The following CYP3A7 variants were observed in gnomAD, a reference collection of about 807,000 sequenced individuals.
CYP3A7 encodes cytochrome P450 3A7.
In CYP3A7, 45 loss-of-function variants were observed where a neutral mutation model predicts 55.2. The observed-to-expected ratio is 0.82, with a 90% CI of 0.64 to 1.05. CYP3A7 has a LOEUF of 1.05. CYP3A7 is among the 50% of genes least tolerant of loss of function. CYP3A7 has a pLI of 0.00. For synonymous variants in CYP3A7, 180 were observed against 207.4 expected (o/e 0.87, Z 1.13); for missense variants, 548 against 605.3 (o/e 0.91, Z 0.99).
intron 9 of CYP3A7, among the ~76,000 whole-genome samples, chr7:99,711,815 A>G (rs1675152325): frequency 6.6e-6 from 1 of 152,104 alleles, no homozygotes; most frequent in Non-Finnish European, 1.5e-5. Context: ...CAGAAATGCA[A>G]AATCTCAAAC....
intron 12 of CYP3A7, among the ~76,000 whole-genome samples, chr7:99,706,348 T>C (rs6965239): frequency 0.082 from 12,475 of 152,256 alleles, 716 homozygotes; most frequent in Non-Finnish European, 0.13. Context: ...TTCCCCATCC[T>C]AGGTGTGCCA....
chr7:99,725,602 G>T (rs148655413), intron 2 of CYP3A7, among the ~76,000 whole-genome samples: 1 of 152,212 alleles, frequency 6.6e-6, no homozygotes, highest in African/African-American at 2.4e-5. Context: ...CTCCTAAGCC[G>T]TGCCCTGTCT....
At chr7:99,730,173 G>T (rs1814561204) in intron 2 of CYP3A7, among the ~76,000 whole-genome samples, 1 of 152,122 alleles carries the variant, frequency 6.6e-6, no homozygotes, top group South Asian at 2.1e-4. Flanking sequence ...AGGCACAAAG[G>T]CTCGACCAAA....
chr7:99,733,976 A>G (rs1421455671), intron 1 of CYP3A7, among the ~76,000 whole-genome samples: 1 of 152,252 alleles, frequency 6.6e-6, no homozygotes, highest in Non-Finnish European at 1.5e-5. Flanking sequence ...TTATTCTGGA[A>G]AGGTGAGGTT....
chr7:99,729,962 G>GA (rs539010587), intron 2 of CYP3A7, among the ~76,000 whole-genome samples: 1 of 152,152 alleles, frequency 6.6e-6, no homozygotes. Context: ...TTTGCAGAGG[G>GA]AAAAAATATG....
chr7:99,727,627 A>G (rs1272975921), intron 2 of CYP3A7, among the ~76,000 whole-genome samples: 1 of 152,062 alleles, frequency 6.6e-6, no homozygotes, highest in Non-Finnish European at 1.5e-5. Context: ...TAGTTTATTG[A>G]TGGCAGTTCC....
intron 7 of CYP3A7, chr7:99,715,474 G>T (rs190898928): frequency 2.4e-6 from 1 of 419,750 alleles, no homozygotes; most frequent in Non-Finnish European, 4.4e-6. Context: ...TCATTTCTAT[G>T]AAGTGTCCAG....
Position 99,711,608 on chromosome 7 carries a change from A to C in CYP3A7, c.866-716T>G, listed in dbSNP as rs191772506. 8.5e-5 allele frequency among the ~76,000 whole-genome samples: 13 copies of C among 152,276 alleles called. No homozygotes were observed. In the East Asian group the frequency reaches 2.3e-3, roughly 27 times the overall value. ...ACATGGAGAAACCCCTTCTCTACTAAAAATACAAAATTACCCAGGCATGGT... is the reference window on the plus strand; with the variant it reads ...ACATGGAGAAACCCCTTCTCTACTACAAATACAAAATTACCCAGGCATGGT... On this transcript the variant is annotated intron_variant, in intron 9 of 12. Coordinates refer to ENST00000336374, the MANE Select transcript of CYP3A7 (RefSeq NM_000765.5).
chr7:99,722,896 G>A (rs1306416408), intron 2 of CYP3A7, among the ~76,000 whole-genome samples: 1 of 152,188 alleles, frequency 6.6e-6, no homozygotes, highest in African/African-American at 2.4e-5. Context: ...GAGAAAATGA[G>A]TGAGTGACAG....
chr7:99,722,435 A>G, intron 2 of CYP3A7, 87 bp from the exon 3 acceptor site: 1 of 1,524,500 alleles, frequency 6.6e-7, no homozygotes, highest in South Asian at 1.2e-5. Context: ...AGTCAAATCC[A>G]ATGAAATTAG....
intron 2 of CYP3A7, among the ~76,000 whole-genome samples, chr7:99,725,123 G>T (rs1231651651): frequency 1.3e-5 from 2 of 152,114 alleles, no homozygotes; most frequent in African/African-American, 4.8e-5. Context: ...AGCATACAAG[G>T]CTGTTAATTA....
intron 2 of CYP3A7, 189 bp downstream of exon 2, chr7:99,730,870 C>G: frequency 1.5e-6 from 1 of 684,942 alleles, no homozygotes; most frequent in Non-Finnish European, 2.4e-6. Flanking sequence ...CTGAGGCAAA[C>G]TTGAGGTTCC....
chr7:99,717,445 G>T, intron 5 of CYP3A7, 81 bp downstream of exon 5: 1 of 1,593,220 alleles, frequency 6.3e-7, no homozygotes, highest in South Asian at 1.1e-5. Context: ...TCCTCGGAAA[G>T]GAACTCTGAT....
chr7:99,722,219 T>G, intron 3 of CYP3A7, 77 bp downstream of exon 3: 8 of 1,585,022 alleles, frequency 5.0e-6, no homozygotes, highest in Non-Finnish European at 6.9e-6. Context: ...GGCTCTGGGC[T>G]GAGACTATCC....
At chr7:99,716,884 A>T (rs1813971195) in intron 6 of CYP3A7, among the ~76,000 whole-genome samples, 1 of 152,150 alleles carries the variant, frequency 6.6e-6, no homozygotes, top group South Asian at 2.1e-4. Flanking sequence ...CTTTGATACA[A>T]TCACACTTTT....
intron 7 of CYP3A7, chr7:99,715,528 TACG>T (rs1813907886): frequency 1.5e-6 from 1 of 645,212 alleles, no homozygotes; most frequent in African/African-American, 1.8e-5. Context: ...AGTGGTTATA[TACG>T]ACAACAGGAT....
At chr7:99,716,190 A>G (rs1813940700) in intron 6 of CYP3A7, among the ~76,000 whole-genome samples, 1 of 152,190 alleles carries the variant, frequency 6.6e-6, no homozygotes, top group Non-Finnish European at 1.5e-5. Flanking sequence ...CCACTATCAG[A>G]CAACTGCAGT....
chr7:99,722,474 T>G, intron 2 of CYP3A7, 126 bp from the exon 3 acceptor site: 1 of 1,178,006 alleles, frequency 8.5e-7, no homozygotes. Context: ...GAAGCTTATT[T>G]AGAGATGTCA....
In CYP3A7 at chr7:99,714,679, A is replaced by C. The variant is rs1269084615; in HGVS notation, c.674T>G (p.Val225Gly). Reference sequence around the variant, plus strand: ...AAGAATTGGGGTAAGGAATGGAAAGACTTCTGTAGAAAAAAAAAACCAACA... The same window carrying C: ...AAGAATTGGGGTAAGGAATGGAAAGCCTTCTGTAGAAAAAAAAAACCAACA... Reference protein sequence around the residue: ...PLDPFVLSIKVFPFLTPILEA... With the variant: ...PLDPFVLSIKGFPFLTPILEA... Residue 225 changes from valine (V) to glycine (G), a missense_variant, in exon 8 of 13, where the codon GTC (valine) becomes GGC (glycine). Physicochemically the swap from Val to Gly is moderately radical, Grantham distance 109. Transcript: ENST00000336374. 18 of 1,611,562 alleles carry C rather than the reference A, an allele frequency of 1.1e-5. No homozygotes were observed. The highest frequency in any genetic ancestry group is 1.5e-5 in the Non-Finnish European group (18 of 1,179,066).
Sources: gnomAD v4.1 joint callset for allele counts (sites outside exome capture counted in the v4.1 genomes callset) on GRCh38, gnomAD v4.1.1 for gene constraint, MANE v1.5 for transcripts, NCBI Gene and HGNC (gene_info 2026-07-23, HGNC 2026-07-21) for gene names.